SNRPG: variants seen among roughly 807,000 people sequenced by gnomAD.
The protein encoded by SNRPG is small nuclear ribonucleoprotein polypeptide G, also known as small nuclear ribonucleoprotein G.
In SNRPG, 3 loss-of-function variants were observed where a neutral mutation model predicts 13.9. The observed-to-expected ratio is 0.22, with a 90% CI of 0.10 to 0.56. The LOEUF (loss-of-function observed/expected upper bound fraction) is 0.56. SNRPG is among the 20% of genes least tolerant of loss of function. The pLI is 0.93. For synonymous variants in SNRPG, 29 were observed against 29.3 expected, an observed-to-expected ratio of 0.99 and a Z score of 0.03; for missense variants, 34 against 96.1, an observed-to-expected ratio of 0.35 and a Z score of 2.70.
At chr2:70,285,599 CAG>C (rs1440166094) in intron 3 of SNRPG, among the ~76,000 whole-genome samples, 2 of 152,002 alleles carry the variant, frequency 1.3e-5, no homozygotes, top group African/African-American at 4.8e-5. Context: ...CACACACACA[CAG>C]AAATTTGTGC....
chr2:70,285,310 ACGCCTGT>A (rs1696913462), intron 3 of SNRPG, among the ~76,000 whole-genome samples: 1 of 152,198 alleles, frequency 6.6e-6, no homozygotes, highest in African/African-American at 2.4e-5. Context: ...GCGGTGGCTC[ACGCCTGT>A]AATCCCAGCA....
At chr2:70,292,984 AAATT>A in intron 1 of SNRPG, 1 of 596,576 alleles carries the variant, frequency 1.7e-6, no homozygotes. Context: ...AAACTTCAAA[AAATT>A]AGCCTTCTCT....
intron 1 of SNRPG, among the ~76,000 whole-genome samples, chr2:70,291,776 T>C (rs1311370058): frequency 6.6e-6 from 1 of 151,712 alleles, no homozygotes; most frequent in Non-Finnish European, 1.5e-5. Flanking sequence ...TCAAAAACTA[T>C]GTTATGAATC....
intron 3 of SNRPG, among the ~76,000 whole-genome samples, chr2:70,283,103 A>AAAAAAAAAC (rs1696843148): frequency 6.9e-5 from 10 of 145,322 alleles, no homozygotes; most frequent in African/African-American, 2.6e-4. Context: ...TGTCAAAAAA[A>AAAAAAAAAC]AAAAAAAAAA....
chr2:70,285,426 G>A (rs1420679730), intron 3 of SNRPG, among the ~76,000 whole-genome samples: 3 of 152,082 alleles, frequency 2.0e-5, no homozygotes, highest in African/African-American at 4.8e-5. Flanking sequence ...ACAAAAATTA[G>A]CTTGGCGTGG....
At chr2:70,289,404 C>A (rs760043335) in intron 1 of SNRPG, 32 bp from the exon 2 acceptor site, 18 of 1,236,782 alleles carry the variant, frequency 1.5e-5, no homozygotes, top group Non-Finnish European at 1.1e-5. Context: ...GATTATATAA[C>A]CAATTAAAAA....
At chr2:70,282,339 G>C (rs1202944253) in intron 3 of SNRPG, among the ~76,000 whole-genome samples, 1 of 152,132 alleles carries the variant, frequency 6.6e-6, no homozygotes, top group Non-Finnish European at 1.5e-5. Flanking sequence ...GGAGGTATGA[G>C]ATCATTTAGG....
rs114478765 is a variant in SNRPG at position 70,287,352 on chromosome 2, G to A, written c.180+716C>T. ...CTTTTTCAAGAACTTTGGGCTTACC[G>A]CTTTATTAGGTATGTTGTCCTGTGT... On this transcript the variant is annotated intron_variant, in intron 3 of 3. Transcript: ENST00000272348. The A allele has an allele frequency of 1.7e-3, 1,160 of 702,670 alleles. 12 individuals carry two copies. In the African/African-American group the frequency reaches 0.018, roughly 11 times the overall value. 43.5% of individuals were successfully genotyped at this position (702,670 alleles called of 1,614,324 possible). A position where few individuals can be genotyped will look rare whatever the true frequency, so the allele number is the denominator to read the frequency against.
chr2:70,285,448 T>C (rs1205286427), intron 3 of SNRPG, among the ~76,000 whole-genome samples: 1 of 152,120 alleles, frequency 6.6e-6, no homozygotes, highest in African/African-American at 2.4e-5. Flanking sequence ...GGTGTGCGCC[T>C]GTAGTCCCAG....
chr2:70,289,239 C>G (rs1697018262), intron 2 of SNRPG, 111 bp downstream of exon 2: 1 of 627,324 alleles, frequency 1.6e-6, no homozygotes, highest in Non-Finnish European at 2.8e-6. Context: ...AGCCGTGAGC[C>G]ATCGCGCCTG....
intron 3 of SNRPG, among the ~76,000 whole-genome samples, chr2:70,284,889 T>C (rs1020675009): frequency 6.6e-6 from 1 of 152,220 alleles, no homozygotes; most frequent in Non-Finnish European, 1.5e-5. Flanking sequence ...ATTAAATGCA[T>C]AGTCCCAGCA....
intron 3 of SNRPG, among the ~76,000 whole-genome samples, chr2:70,284,540 A>T (rs1387371471): frequency 6.6e-6 from 1 of 152,010 alleles, no homozygotes; most frequent in Non-Finnish European, 1.5e-5. Context: ...TGAGCCACCA[A>T]GCTGGGCTAA....
At chr2:70,282,025 T>G (rs1339529551) in intron 3 of SNRPG, among the ~76,000 whole-genome samples, 1 of 152,096 alleles carries the variant, frequency 6.6e-6, no homozygotes, top group Non-Finnish European at 1.5e-5. Context: ...GTTCAAGCAA[T>G]CCTGCTTCAG....
intron 3 of SNRPG, among the ~76,000 whole-genome samples, chr2:70,282,938 T>C (rs183338588): frequency 6.6e-5 from 10 of 150,736 alleles, no homozygotes; most frequent in African/African-American, 1.7e-4. Flanking sequence ...CTACTAAAAA[T>C]AAAAAATTAG....
At chr2:70,285,083 T>A (rs903354983) in intron 3 of SNRPG, among the ~76,000 whole-genome samples, 1 of 152,214 alleles carries the variant, frequency 6.6e-6, no homozygotes, top group Non-Finnish European at 1.5e-5. Flanking sequence ...ACCCTTTTTT[T>A]AACTTAATAC....
chr2:70,291,728 G>T (rs139825830), intron 1 of SNRPG, among the ~76,000 whole-genome samples: 21 of 152,130 alleles, frequency 1.4e-4, no homozygotes, highest in African/African-American at 5.1e-4. Flanking sequence ...CTACGAGGAA[G>T]AGAAAGGTAT....
chr2:70,287,491 A>G (rs1696972744), intron 3 of SNRPG: 1 of 559,094 alleles, frequency 1.8e-6, no homozygotes, highest in Non-Finnish European at 3.1e-6. Context: ...GTATGTGCTT[A>G]TTTTTTCCTG....
chr2:70,289,325 A>T, intron 2 of SNRPG, 25 bp downstream of exon 2: 1 of 1,365,536 alleles, frequency 7.3e-7, no homozygotes, highest in African/African-American at 1.5e-5. Flanking sequence ...AATTAAAAAA[A>T]ACCCCAAAAC....
intron 3 of SNRPG, among the ~76,000 whole-genome samples, chr2:70,285,311 C>T (rs775361327): frequency 8.5e-5 from 13 of 152,138 alleles, no homozygotes; most frequent in Non-Finnish European, 1.5e-4. Flanking sequence ...CGGTGGCTCA[C>T]GCCTGTAATC....
Sources: gnomAD v4.1 joint callset for allele counts (sites outside exome capture counted in the v4.1 genomes callset) on GRCh38, gnomAD v4.1.1 for gene constraint, MANE v1.5 for transcripts, NCBI Gene and HGNC (gene_info 2026-07-23, HGNC 2026-07-21) for gene names.